Variants in ANO6 observed in about 807,000 individuals in gnomAD.
ANO6 encodes the protein anoctamin 6.
ANO6 carries 106 observed loss-of-function variants against 117.5 expected under a neutral mutation model. That is an observed-to-expected ratio of 0.90 (90% confidence interval 0.77 to 1.06). ANO6 has a LOEUF of 1.06. Among genes scored for constraint, ANO6 ranks in the 50% least tolerant of loss-of-function variants. The probability of loss-of-function intolerance (pLI) is 0.00; values close to 1 mark genes in which losing one functional copy is unlikely to be tolerated. For synonymous variants in ANO6, 367 were observed against 385.1 expected, an observed-to-expected ratio of 0.95 and a Z score of 0.55; for missense variants, 955 against 1,121.1, an observed-to-expected ratio of 0.85 and a Z score of 2.12.
chr12:45,257,724 A>G (rs1592882807), intron 1 of ANO6, among the ~76,000 whole-genome samples: 1 of 152,224 alleles, frequency 6.6e-6, no homozygotes, highest in African/African-American at 2.4e-5. Context: ...CAGCCTTCCA[A>G]TCTCGTCTCC....
intron 1 of ANO6, among the ~76,000 whole-genome samples, chr12:45,229,904 A>C (rs965490674): frequency 7.5e-6 from 1 of 132,622 alleles, no homozygotes; most frequent in African/African-American, 2.8e-5. Flanking sequence ...CGAATGTTAG[A>C]ACCTACTTCA....
At chr12:45,402,106 A>G in intron 13 of ANO6, 86 bp downstream of exon 13, 3 of 1,168,444 alleles carry the variant, frequency 2.6e-6, no homozygotes, top group East Asian at 2.4e-5. Flanking sequence ...AGGCGTTTCA[A>G]TTCCAGTAGG....
chr12:45,240,672 T>A (rs1012670320), intron 1 of ANO6, among the ~76,000 whole-genome samples: 11 of 152,154 alleles, frequency 7.2e-5, no homozygotes, highest in African/African-American at 2.7e-4. Context: ...TTGGCATGTT[T>A]TTGCAGTGGC....
At chr12:45,293,479 A>C (rs900871393) in intron 1 of ANO6, among the ~76,000 whole-genome samples, 1 of 151,904 alleles carries the variant, frequency 6.6e-6, no homozygotes, top group African/African-American at 2.4e-5. Flanking sequence ...TGTGAGCTGC[A>C]AATTTTGCTT....
At chr12:45,302,124 ATTC>A in intron 2 of ANO6, 31 bp downstream of exon 2, 1 of 1,592,132 alleles carries the variant, frequency 6.3e-7, no homozygotes, top group Non-Finnish European at 8.6e-7. Context: ...TTAAATTTGT[ATTC>A]TTAAGCTAAG....
chr12:45,222,001 C>G (rs1172677018), intron 1 of ANO6, among the ~76,000 whole-genome samples: 1 of 151,310 alleles, frequency 6.6e-6, no homozygotes, highest in Non-Finnish European at 1.5e-5. Flanking sequence ...CCCACCTCAG[C>G]CTCCCAAGTA....
intron 2 of ANO6, among the ~76,000 whole-genome samples, chr12:45,309,313 G>T (rs953344606): frequency 8.5e-5 from 13 of 152,094 alleles, no homozygotes; most frequent in African/African-American, 3.1e-4. Flanking sequence ...AGGAGCAGCA[G>T]CTGGGAATTT....
At chr12:45,227,691 A>C (rs867619227) in intron 1 of ANO6, among the ~76,000 whole-genome samples, 1 of 152,022 alleles carries the variant, frequency 6.6e-6, no homozygotes, top group Non-Finnish European at 1.5e-5. Flanking sequence ...GTCTTTTCCC[A>C]TCAAACATTG....
chr12:45,243,299 C>T (rs754659316), intron 1 of ANO6, among the ~76,000 whole-genome samples: 11 of 151,984 alleles, frequency 7.2e-5, no homozygotes, highest in Non-Finnish European at 1.3e-4. Context: ...AGCCTGGGCT[C>T]CAGAGTGAGA....
chr12:45,351,213 C>T (rs1184121110), intron 7 of ANO6, among the ~76,000 whole-genome samples: 8 of 152,336 alleles, frequency 5.3e-5, no homozygotes, highest in South Asian at 2.1e-4. Flanking sequence ...GGTTACCCAC[C>T]GCCCAGGAAC....
intron 1 of ANO6, among the ~76,000 whole-genome samples, chr12:45,222,834 G>A (rs1342546202): frequency 6.6e-6 from 1 of 152,236 alleles, no homozygotes; most frequent in Non-Finnish European, 1.5e-5. Context: ...GCACAGAGAT[G>A]CCAGAAAAAT....
In ANO6 at chr12:45,325,821, A is replaced by ATTATAACTCTG. The variant is rs527634439; in HGVS notation, c.151-5472_151-5462dup. 2.0e-4 allele frequency among the ~76,000 whole-genome samples: 30 copies of ATTATAACTCTG among 152,296 alleles called. No individual in the cohort carries two copies. The East Asian group carries it at 4.8e-3, about 25-fold the overall frequency. On this transcript the variant is annotated intron_variant, in intron 2 of 19. Transcript: ENST00000320560. ...TTTAGTCATGCTAATGAAAATTACA[A>ATTATAACTCTG]TTATAACTCTGTGGGTTTACGAAAA... is the stretch of plus-strand genomic sequence containing the variant.
chr12:45,217,015 C>T (rs1947325926), intron 1 of ANO6, among the ~76,000 whole-genome samples: 1 of 152,194 alleles, frequency 6.6e-6, no homozygotes, highest in Non-Finnish European at 1.5e-5. Flanking sequence ...GCCTTTTTCA[C>T]TCGTCCTGAG....
Position 45,432,043 on chromosome 12 carries a change from A to ATGTG in ANO6, c.*2735_*2738dup. 4 of 985,334 alleles carry ATGTG rather than the reference A, an allele frequency of 4.1e-6. No homozygotes were observed. The highest frequency in any genetic ancestry group is 4.8e-6 in the Non-Finnish European group (4 of 829,862). The allele number at this position is 985,334 out of a possible 1,614,324, so 61.0% of individuals were successfully genotyped here. On this transcript the variant is annotated 3_prime_UTR_variant, in exon 20 of 20. Transcript: ENST00000320560. ...ACCAAAGTCTTCCCTTTTTTATTGC[A>ATGTG]TGTGTGCCTTGAATTTCATAAAACA...
intron 3 of ANO6, among the ~76,000 whole-genome samples, chr12:45,341,703 A>G (rs1173604030): frequency 6.6e-6 from 1 of 152,226 alleles, no homozygotes; most frequent in African/African-American, 2.4e-5. Flanking sequence ...GTGTTCCTGT[A>G]AAATGACGTA....
At chr12:45,352,003 G>T (rs916236378) in intron 7 of ANO6, among the ~76,000 whole-genome samples, 2 of 152,032 alleles carry the variant, frequency 1.3e-5, no homozygotes, top group Non-Finnish European at 2.9e-5. Context: ...GGGGAGTCGG[G>T]TCGACAGGAC....
intron 1 of ANO6, among the ~76,000 whole-genome samples, chr12:45,286,486 C>CA (rs1946499739): frequency 6.6e-6 from 1 of 152,100 alleles, no homozygotes; most frequent in South Asian, 2.1e-4. Context: ...ACAGAGAATG[C>CA]AAAAAATGGA....
intron 1 of ANO6, among the ~76,000 whole-genome samples, chr12:45,221,062 G>GGC (rs1046446218): frequency 1.3e-5 from 2 of 148,502 alleles, no homozygotes; most frequent in African/African-American, 4.9e-5. Context: ...TCGGAAGTGG[G>GGC]GGGGGGCAGC....
At chr12:45,265,038 T>G (rs895825845) in intron 1 of ANO6, among the ~76,000 whole-genome samples, 1 of 152,194 alleles carries the variant, frequency 6.6e-6, no homozygotes, top group African/African-American at 2.4e-5. Context: ...AATTCCTCAT[T>G]GACTGTAAGT....
Sources: gnomAD v4.1 joint callset for allele counts (sites outside exome capture counted in the v4.1 genomes callset) on GRCh38, gnomAD v4.1.1 for gene constraint, MANE v1.5 for transcripts, NCBI Gene and HGNC (gene_info 2026-07-23, HGNC 2026-07-21) for gene names.